Variants in UTP4 observed in about 807,000 individuals in gnomAD.
UTP4 encodes the protein U3 small nucleolar RNA-associated protein 4 homolog.
Under a neutral mutation model 82.4 loss-of-function variants are expected in UTP4, and 45 were observed. The observed-to-expected ratio is 0.55, with a 90% CI of 0.43 to 0.70. The LOEUF is 0.70. UTP4 is among the 30% of genes least tolerant of loss of function. UTP4 has a pLI of 0.00. For missense variants in UTP4, 819 were observed against 858.3 expected, an observed-to-expected ratio of 0.95 and a Z score of 0.57; for synonymous variants, 348 against 300.3, an observed-to-expected ratio of 1.16 and a Z score of -1.64.
chr16:69,155,922 G>A lies in UTP4; in HGVS notation c.1216G>A (p.Ala406Thr), dbSNP rs762557799. 12 of 1,613,888 alleles carry A rather than the reference G, an allele frequency of 7.4e-6. No individual in the cohort carries two copies. The highest frequency in any genetic ancestry group is 7.6e-6 in the Non-Finnish European group (9 of 1,179,816). Reference protein sequence around the residue: ...SCISPCGSWIAYSTVSRFFLY... With the variant: ...SCISPCGSWITYSTVSRFFLY... ...TATCTCCCCATGTGGAAGTTGGATA[G>A]CCTATTCTACAGTTTCTCGGTTTTT... is the stretch of plus-strand genomic sequence containing the variant. The change falls in exon 11 of 17, where the codon GCC becomes ACC. Residue 406 changes from alanine (A) to threonine (T), a missense_variant. Transcript: ENST00000314423.
chr16:69,133,750 A>G, intron 2 of UTP4, 132 bp downstream of exon 2: 1 of 845,726 alleles, frequency 1.2e-6, no homozygotes, highest in South Asian at 1.4e-5. Context: ...AGAACTACCA[A>G]ACTTCTGAGA....
intron 12 of UTP4, among the ~76,000 whole-genome samples, chr16:69,159,509 GA>G (rs1428952519): frequency 6.6e-6 from 1 of 152,136 alleles, no homozygotes; most frequent in Non-Finnish European, 1.5e-5. Flanking sequence ...CCAAAATGGT[GA>G]AACCCCATCT....
chr16:69,137,123 C>T (rs1158137686), intron 3 of UTP4, among the ~76,000 whole-genome samples: 1 of 152,210 alleles, frequency 6.6e-6, no homozygotes, highest in Non-Finnish European at 1.5e-5. Flanking sequence ...ATTTCCCAAA[C>T]TGTGTTCTGT....
At chr16:69,161,943 G>A (rs979629186) in intron 13 of UTP4, among the ~76,000 whole-genome samples, 11 of 151,846 alleles carry the variant, frequency 7.2e-5, no homozygotes, top group African/African-American at 2.7e-4. Flanking sequence ...AGTTACAGGT[G>A]TGAGCCACTG....
Position 69,150,837 on chromosome 16 carries a change from G to A in UTP4, c.935G>A (p.Arg312His). The change falls in exon 8 of 17, where the codon CGT becomes CAT. Residue 312 changes from arginine (R) to histidine (H), a missense_variant. Coordinates refer to ENST00000314423, the MANE Select transcript of UTP4 (RefSeq NM_032830.3). ...SGGTDTHLVF[R>H]PLMEKVEVKN... Reference sequence around the variant, plus strand: ...GGCACTGACACCCACTTAGTCTTTCGTCCTCTCATGGAGAAGGTGGAAGTA... The same window carrying A: ...GGCACTGACACCCACTTAGTCTTTCATCCTCTCATGGAGAAGGTGGAAGTA... 1 of 1,613,950 alleles carries A rather than the reference G, an allele frequency of 6.2e-7. No individual in the cohort carries two copies. Among genetic ancestry groups the A allele is most frequent in the Non-Finnish European group, 8.5e-7 (1 of 1,179,986 alleles).
intron 2 of UTP4, among the ~76,000 whole-genome samples, chr16:69,135,042 G>A (rs1962776518): frequency 6.7e-6 from 1 of 149,426 alleles, no homozygotes; most frequent in Non-Finnish European, 1.5e-5. Flanking sequence ...TAACAGTCAT[G>A]GCCATATTAT....
chr16:69,157,866 T>C (rs1339372622), intron 12 of UTP4, among the ~76,000 whole-genome samples: 1 of 151,604 alleles, frequency 6.6e-6, no homozygotes, highest in Non-Finnish European at 1.5e-5. Context: ...CAGCTGAGAT[T>C]ATAGGCATGA....
Position 69,150,893 on chromosome 16 carries a change from A to T in UTP4, c.991A>T (p.Thr331Ser), listed in dbSNP as rs1231181584. 2 of 1,611,920 alleles carry T rather than the reference A, an allele frequency of 1.2e-6. No individual in the cohort carries two copies. Among genetic ancestry groups the T allele is most frequent in the Admixed American group, 3.3e-5 (2 of 59,894 alleles). ...KNYDAALRKITFPHRCLISCS... is the reference protein window; with the variant it reads ...KNYDAALRKISFPHRCLISCS... ...TTACGATGCCGCTCTCCGAAAAATCACCTTTCCCCACGTAAGTGTCCATTC... is the reference window on the plus strand; with the variant it reads ...TTACGATGCCGCTCTCCGAAAAATCTCCTTTCCCCACGTAAGTGTCCATTC... The change falls in exon 8 of 17, where the codon ACC becomes TCC. Residue 331 changes from threonine to serine, a missense_variant. By Grantham distance (58) the Thr-to-Ser change is moderately conservative (BLOSUM62 1). Transcript: ENST00000314423.
intron 6 of UTP4, among the ~76,000 whole-genome samples, chr16:69,145,437 T>C (rs1183527492): frequency 6.6e-6 from 1 of 152,038 alleles, no homozygotes; most frequent in East Asian, 1.9e-4. Flanking sequence ...ATTTTTGTAA[T>C]TGTAGTAGAG....
At chr16:69,159,556 T>G (rs1367874850) in intron 12 of UTP4, among the ~76,000 whole-genome samples, 1 of 151,724 alleles carries the variant, frequency 6.6e-6, no homozygotes, top group Non-Finnish European at 1.5e-5. Flanking sequence ...GGTGTGGTGG[T>G]GCACGCCTGT....
chr16:69,165,633 G>A, intron 15 of UTP4, 107 bp downstream of exon 15: 1 of 946,502 alleles, frequency 1.1e-6, no homozygotes. Context: ...AAGGTAGCTA[G>A]TAAATCAGAA....
At chr16:69,165,821 A>G (rs1963688571) in intron 15 of UTP4, 1 of 525,030 alleles carries the variant, frequency 1.9e-6, no homozygotes, top group African/African-American at 1.9e-5. Flanking sequence ...TTACACAGAA[A>G]AGTGATTAGG....
At chr16:69,146,013 A>G (rs968448011) in intron 6 of UTP4, among the ~76,000 whole-genome samples, 6 of 151,982 alleles carry the variant, frequency 3.9e-5, no homozygotes, top group Admixed American at 6.6e-5. Flanking sequence ...AAATATTTCA[A>G]GCAGTTCAAC....
intron 16 of UTP4, 106 bp from the exon 17 acceptor site, chr16:69,168,715 G>T: frequency 1.2e-6 from 1 of 807,782 alleles, no homozygotes; most frequent in African/African-American, 1.7e-5. Context: ...TTTGAGCCTT[G>T]AACTAGGCTA....
intron 14 of UTP4, among the ~76,000 whole-genome samples, chr16:69,164,332 C>T (rs1963643284): frequency 6.6e-6 from 1 of 151,920 alleles, no homozygotes; most frequent in Admixed American, 6.6e-5. Context: ...GATAATTTCC[C>T]CCATGACACC....
intron 16 of UTP4, 62 bp from the exon 17 acceptor site, chr16:69,168,759 A>G (rs923386240): frequency 1.0e-6 from 1 of 997,434 alleles, no homozygotes; most frequent in Non-Finnish European, 1.6e-6. Flanking sequence ...ACCTACAGTC[A>G]GTTCTTTCAG....
chr16:69,135,779 A>G (rs911561741), intron 2 of UTP4, among the ~76,000 whole-genome samples: 1 of 152,170 alleles, frequency 6.6e-6, no homozygotes, highest in Non-Finnish European at 1.5e-5. Context: ...TAATCCCAGC[A>G]GTTTGGGAGG....
rs765761233 is a variant in UTP4, at chr16:69,157,070, T to G, written c.1288-14T>G. On this transcript the variant is annotated splice_polypyrimidine_tract_variant and intron_variant, in intron 11 of 16. Coordinates refer to ENST00000314423, the MANE Select transcript of UTP4 (RefSeq NM_032830.3). ...CCCTTCTCTCACTGGCTTTTATTAT[T>G]GGTTCACCCAAAGGTTTCCAAAATG... The G allele has an allele frequency of 2.2e-5, 36 of 1,614,076 alleles. No homozygotes were observed. Among genetic ancestry groups the G allele is most frequent in the Non-Finnish European group, 3.0e-5 (35 of 1,180,006 alleles).
chr16:69,133,401 A>C (rs558207874), intron 1 of UTP4, 57 bp from the exon 2 acceptor site: 318 of 1,528,164 alleles, frequency 2.1e-4, no homozygotes, highest in Middle Eastern at 3.4e-4. Flanking sequence ...ACTGAATACT[A>C]TATGTGACAT....
Sources: gnomAD v4.1 joint callset for allele counts (sites outside exome capture counted in the v4.1 genomes callset) on GRCh38, gnomAD v4.1.1 for gene constraint, MANE v1.5 for transcripts, NCBI Gene and HGNC (gene_info 2026-07-23, HGNC 2026-07-21) for gene names.